FER: variants seen among roughly 807,000 people sequenced by gnomAD.
FER encodes tyrosine-protein kinase Fer.
In FER, 63 loss-of-function variants were observed where a neutral mutation model predicts 111.0. The observed-to-expected ratio is 0.57, with a 90% CI of 0.46 to 0.70. FER has a LOEUF of 0.70. Among genes scored for constraint, FER ranks in the 30% least tolerant of loss-of-function variants. The pLI is 0.00. For synonymous variants in FER, 327 were observed against 313.9 expected (o/e 1.04, Z -0.44); for missense variants, 914 against 954.0 (o/e 0.96, Z 0.55).
rs59366595 is a variant in FER at position 108,791,351 on chromosome 5, A to T, written c.-59-6773A>T. ...GACATTCTAATGGTGTGAAATAGTT[A>T]TCTCATTATAGTTCTGATTTGAATT... On this transcript the variant is annotated intron_variant, in intron 2 of 19. Coordinates refer to ENST00000281092, the MANE Select transcript of FER (RefSeq NM_005246.4). Among the ~76,000 whole-genome samples, 309 of 152,170 alleles carry T rather than the reference A, an allele frequency of 2.0e-3. 1 individual carries two copies. Among genetic ancestry groups the T allele is most frequent in the African/African-American group, 7.1e-3 (295 of 41,534 alleles).
chr5:108,766,844 C>A (rs1752371790), intron 1 of FER, among the ~76,000 whole-genome samples: 4 of 152,098 alleles, frequency 2.6e-5, no homozygotes, highest in Non-Finnish European at 2.9e-5. Flanking sequence ...AATAGTATGG[C>A]ACAGGCAAAA....
Position 108,996,677 on chromosome 5 carries a change from T to C in FER, c.1656+37330T>C, listed in dbSNP as rs1764020593. Among the ~76,000 whole-genome samples, 3 of 152,320 alleles carry C rather than the reference T, an allele frequency of 2.0e-5. No homozygotes were observed. In the South Asian group the frequency reaches 6.2e-4, roughly 32 times the overall value. ...TGGTTACTGTAGCCTTGTGGTATAG[T>C]TTGAAGTCAGGTAGCATGATGCCTC... On this transcript the variant is annotated intron_variant, in intron 13 of 19. Transcript: ENST00000281092.
intron 17 of FER, among the ~76,000 whole-genome samples, chr5:109,137,182 A>G (rs907573661): frequency 6.6e-6 from 1 of 152,164 alleles, no homozygotes; most frequent in Non-Finnish European, 1.5e-5. Context: ...CATCCAACCT[A>G]GGGTAAGTCA....
chr5:109,181,086 T>C (rs1758242102), intron 18 of FER, among the ~76,000 whole-genome samples, 185 bp downstream of exon 18: 1 of 152,178 alleles, frequency 6.6e-6, no homozygotes, highest in African/African-American at 2.4e-5. Flanking sequence ...ATATGTAACA[T>C]TGCTATATTA....
intron 2 of FER, among the ~76,000 whole-genome samples, chr5:108,794,145 C>T (rs1397777273): frequency 1.3e-5 from 2 of 151,712 alleles, no homozygotes; most frequent in Non-Finnish European, 1.5e-5. Context: ...TTTGTACCTT[C>T]AGATGATTCG....
chr5:109,100,555 A>T (rs1425638237), intron 17 of FER, 36 bp downstream of exon 17: 27 of 1,579,104 alleles, frequency 1.7e-5, no homozygotes, highest in Non-Finnish European at 2.2e-5. Flanking sequence ...TTTTGGTTTT[A>T]TTAATAGAAT....
intron 13 of FER, among the ~76,000 whole-genome samples, chr5:109,013,584 G>T (rs1766613926): frequency 6.7e-6 from 1 of 149,308 alleles, no homozygotes; most frequent in South Asian, 2.2e-4. Flanking sequence ...TAGTCCTTTG[G>T]GTATATACCC....
chr5:108,810,147 A>C (rs1050391026), intron 3 of FER, among the ~76,000 whole-genome samples: 4 of 151,946 alleles, frequency 2.6e-5, no homozygotes, highest in Non-Finnish European at 4.4e-5. Flanking sequence ...GTATGTCTAT[A>C]GAGAATGTTC....
intron 10 of FER, among the ~76,000 whole-genome samples, chr5:108,919,211 C>T (rs995212871): frequency 4.0e-5 from 6 of 148,630 alleles, no homozygotes; most frequent in Non-Finnish European, 9.0e-5. Context: ...ACTATTTCTG[C>T]TTGTTTTTTT....
intron 17 of FER, among the ~76,000 whole-genome samples, chr5:109,133,436 G>A (rs948220161): frequency 6.6e-6 from 1 of 152,086 alleles, no homozygotes; most frequent in African/African-American, 2.4e-5. Context: ...ATTTATAAAT[G>A]ATAATAGTAT....
At chr5:109,154,808 T>C (rs992474870) in intron 17 of FER, among the ~76,000 whole-genome samples, 4 of 151,890 alleles carry the variant, frequency 2.6e-5, no homozygotes, top group Non-Finnish European at 5.9e-5. Flanking sequence ...ACTGAAATTT[T>C]GAAATAATAG....
rs558905448 is a variant in FER, at chr5:108,894,430, G to A, written c.1047-3229G>A. 1.0e-4 allele frequency: 56 copies of A among 540,168 alleles called. No individual in the cohort carries two copies. The South Asian group carries it at 1.1e-3, about 11-fold the overall frequency. 33.5% of individuals were successfully genotyped at this position (540,168 alleles called of 1,614,324 possible). A position where few individuals can be genotyped will look rare whatever the true frequency, so the allele number is the denominator to read the frequency against. On this transcript the variant is annotated intron_variant, in intron 9 of 19. Coordinates refer to ENST00000281092, the MANE Select transcript of FER (RefSeq NM_005246.4). ...TCGTCTGCTGGCAACTGCATGTATC[G>A]GACCACTGAGCCCTGAATGAAGCAG...
intron 13 of FER, among the ~76,000 whole-genome samples, chr5:109,000,059 G>A (rs1277483229): frequency 6.6e-6 from 1 of 151,488 alleles, no homozygotes. Context: ...ATATTTTTCT[G>A]CATTGCTATG....
In FER at chr5:109,078,068, A is replaced by G. The variant is rs115560960; in HGVS notation, c.1925-22328A>G. Among the ~76,000 whole-genome samples, 1,500 of 152,296 alleles carry G rather than the reference A, an allele frequency of 9.8e-3. 19 individuals are homozygous for G. Among genetic ancestry groups the G allele is most frequent in the African/African-American group, 0.034 (1,424 of 41,560 alleles). ...CACCAGTATACTCAAGGGACTGTAAAAGTCCAAGGCTGGGCCCAAGAAGTA... is the reference window on the plus strand; with the variant it reads ...CACCAGTATACTCAAGGGACTGTAAGAGTCCAAGGCTGGGCCCAAGAAGTA... On this transcript the variant is annotated intron_variant, in intron 16 of 19. Transcript: ENST00000281092.
At chr5:108,794,488 G>A (rs1038376251) in intron 2 of FER, among the ~76,000 whole-genome samples, 2 of 151,318 alleles carry the variant, frequency 1.3e-5, no homozygotes, top group Non-Finnish European at 2.9e-5. Context: ...CAAAGTGCTG[G>A]GATTACAGAT....
intron 14 of FER, among the ~76,000 whole-genome samples, chr5:109,038,343 T>A (rs1271465273): frequency 1.3e-5 from 2 of 151,816 alleles, no homozygotes; most frequent in Non-Finnish European, 3.0e-5. Flanking sequence ...TACATATGAG[T>A]GATCAGTACT....
At chr5:109,014,214 A>G (rs1267052807) in intron 13 of FER, among the ~76,000 whole-genome samples, 2 of 151,868 alleles carry the variant, frequency 1.3e-5, no homozygotes, top group African/African-American at 4.8e-5. Flanking sequence ...TTATGGTTTT[A>G]GGTCTAACGT....
chr5:109,105,230 T>TTGTGTGTGTGTGTG (rs72106747), intron 17 of FER, among the ~76,000 whole-genome samples: 1 of 138,546 alleles, frequency 7.2e-6, no homozygotes, highest in African/African-American at 2.7e-5. Context: ...CAGCTTATAT[T>TTGTGTGTGTGTGTG]TGTGTGTGTG....
At chr5:108,927,149 T>A (rs987587536) in intron 10 of FER, among the ~76,000 whole-genome samples, 4 of 152,096 alleles carry the variant, frequency 2.6e-5, no homozygotes, top group East Asian at 1.9e-4. Flanking sequence ...TAAGAATTTT[T>A]AAATTTGGCC....
Sources: allele counts gnomAD v4.1 joint callset (sites outside exome capture counted in the v4.1 genomes callset), GRCh38; gene constraint gnomAD v4.1.1; transcripts MANE v1.5; gene names NCBI Gene and HGNC (gene_info 2026-07-23, HGNC 2026-07-21).